PRKG1: variants seen among roughly 807,000 people sequenced by gnomAD.
PRKG1 encodes protein kinase cGMP-dependent 1.
A neutral mutation model predicts 88.1 loss-of-function variants in PRKG1; 35 were observed. The observed-to-expected ratio is 0.40, with a 90% CI of 0.30 to 0.53. The LOEUF (loss-of-function observed/expected upper bound fraction) is 0.53, where lower values mean the gene tolerates loss of function less well. PRKG1 is among the 20% of genes least tolerant of loss of function. PRKG1 has a pLI of 0.59. For missense variants in PRKG1, 540 were observed against 839.8 expected, an observed-to-expected ratio of 0.64 and a Z score of 4.41; for synonymous variants, 303 against 292.5, an observed-to-expected ratio of 1.04 and a Z score of -0.37.
At chr10:51,736,176 G>A (rs947387513) in intron 3 of PRKG1, among the ~76,000 whole-genome samples, 4 of 151,992 alleles carry the variant, frequency 2.6e-5, no homozygotes, top group Non-Finnish European at 5.9e-5. Flanking sequence ...ACTGCCGTGA[G>A]TCACCATGAC....
chr10:51,883,679 A>G (rs10740387), intron 4 of PRKG1, among the ~76,000 whole-genome samples: 62,426 of 152,034 alleles, frequency 0.41, 13,189 homozygotes, highest in East Asian at 0.62. Context: ...TTGGAGTTTT[A>G]AAGGATGCAA....
intron 4 of PRKG1, among the ~76,000 whole-genome samples, chr10:51,823,041 G>A (rs1243917376): frequency 1.3e-5 from 2 of 152,068 alleles, no homozygotes; most frequent in Non-Finnish European, 2.9e-5. Context: ...CAAGGTTACA[G>A]TGGAGTTTTT....
chr10:51,863,028 C>T (rs1840925775), intron 4 of PRKG1, among the ~76,000 whole-genome samples: 1 of 152,086 alleles, frequency 6.6e-6, no homozygotes, highest in Admixed American at 6.6e-5. Context: ...ATATAAATCT[C>T]ATATCCTCTT....
At chr10:51,224,823 T>C (rs1838646157) in intron 2 of PRKG1, among the ~76,000 whole-genome samples, 1 of 152,128 alleles carries the variant, frequency 6.6e-6, no homozygotes, top group Non-Finnish European at 1.5e-5. Context: ...GAGGACCACA[T>C]ATGGTTGAAA....
At chr10:52,103,411 C>G (rs1847341522) in intron 7 of PRKG1, among the ~76,000 whole-genome samples, 1 of 152,246 alleles carries the variant, frequency 6.6e-6, no homozygotes, top group South Asian at 2.1e-4. Context: ...TCTCCTTCCT[C>G]CCCCTCAGCC....
At chr10:52,036,620 G>A (rs1845617985) in intron 5 of PRKG1, among the ~76,000 whole-genome samples, 1 of 151,950 alleles carries the variant, frequency 6.6e-6, no homozygotes, top group African/African-American at 2.4e-5. Flanking sequence ...GTTAAGGTGG[G>A]GGGATACAAG....
At chr10:51,484,434 G>A (rs1389577921) in intron 3 of PRKG1, among the ~76,000 whole-genome samples, 2 of 152,036 alleles carry the variant, frequency 1.3e-5, no homozygotes, top group African/African-American at 2.4e-5. Flanking sequence ...CGGGTCATAA[G>A]ACTGACTAAT....
chr10:51,664,514 G>T (rs1042556006), intron 3 of PRKG1, among the ~76,000 whole-genome samples: 8 of 152,036 alleles, frequency 5.3e-5, no homozygotes, highest in Middle Eastern at 3.2e-3. Context: ...CTCTCATTTT[G>T]CATCTAGTCT....
chr10:51,990,082 C>G (rs1167227818), intron 5 of PRKG1, among the ~76,000 whole-genome samples: 1 of 152,108 alleles, frequency 6.6e-6, no homozygotes, highest in East Asian at 1.9e-4. Context: ...ATTGAAGAGA[C>G]TGCCCTTTCC....
chr10:51,414,648 T>C (rs1028161064), intron 2 of PRKG1, among the ~76,000 whole-genome samples: 11 of 152,232 alleles, frequency 7.2e-5, no homozygotes, highest in African/African-American at 2.7e-4. Context: ...TTTACACCCC[T>C]GTAATGTCTA....
At chr10:51,058,349 T>G (rs1227113682) in intron 1 of PRKG1, among the ~76,000 whole-genome samples, 2 of 152,120 alleles carry the variant, frequency 1.3e-5, no homozygotes, top group African/African-American at 2.4e-5. Context: ...TAGACTTAAT[T>G]TTTTGAGTGA....
intron 3 of PRKG1, among the ~76,000 whole-genome samples, chr10:51,487,110 G>A (rs1840569107): frequency 6.6e-6 from 1 of 152,044 alleles, no homozygotes; most frequent in Non-Finnish European, 1.5e-5. Flanking sequence ...AGAGTTAAAA[G>A]TACGTAAACC....
At chr10:51,470,223 T>G (rs1236534646) in intron 3 of PRKG1, among the ~76,000 whole-genome samples, 1 of 151,906 alleles carries the variant, frequency 6.6e-6, no homozygotes, top group African/African-American at 2.4e-5. Flanking sequence ...TAAGGTTCAT[T>G]TATTTCTTAG....
intron 3 of PRKG1, among the ~76,000 whole-genome samples, chr10:51,554,233 TG>T (rs1430109593): frequency 3.4e-5 from 5 of 146,906 alleles, no homozygotes; most frequent in African/African-American, 1.2e-4. Context: ...TATGCATATA[TG>T]ATATGTATAT....
chr10:51,212,917 G>A (rs1242901945), intron 2 of PRKG1, among the ~76,000 whole-genome samples: 1 of 152,254 alleles, frequency 6.6e-6, no homozygotes, highest in South Asian at 2.1e-4. Context: ...CGATTCCTCA[G>A]GGATCTAGAA....
At chr10:52,213,079 T>C (rs1840022442) in intron 9 of PRKG1, among the ~76,000 whole-genome samples, 2 of 152,142 alleles carry the variant, frequency 1.3e-5, no homozygotes, top group Non-Finnish European at 2.9e-5. Context: ...CAAGTAGTTA[T>C]ATATTAATTC....
At chr10:51,249,645 A>G (rs1839379522) in intron 2 of PRKG1, among the ~76,000 whole-genome samples, 1 of 104,226 alleles carries the variant, frequency 9.6e-6, no homozygotes, top group Non-Finnish European at 1.7e-5. Flanking sequence ...AATGAAAAAA[A>G]TGACCATTTA....
At chr10:51,468,904 T>G (rs1192048821) in intron 3 of PRKG1, among the ~76,000 whole-genome samples, 1 of 151,906 alleles carries the variant, frequency 6.6e-6, no homozygotes. Flanking sequence ...GAAATTGTCT[T>G]ATACATCTTA....
At chr10:51,341,873 C>T (rs964698234) in intron 2 of PRKG1, among the ~76,000 whole-genome samples, 14 of 152,218 alleles carry the variant, frequency 9.2e-5, no homozygotes, top group Admixed American at 7.2e-4. Context: ...TGGCAGCAGG[C>T]AAGAGAGCTT....
Sources: allele counts gnomAD v4.1 joint callset (sites outside exome capture counted in the v4.1 genomes callset), GRCh38; gene constraint gnomAD v4.1.1; transcripts MANE v1.5; gene names NCBI Gene and HGNC (gene_info 2026-07-23, HGNC 2026-07-21).